Variants in ALX4 observed in about 807,000 individuals in gnomAD.
The protein encoded by ALX4 is ALX homeobox 4.
A neutral mutation model predicts 40.6 loss-of-function variants in ALX4; 22 were observed. That is an observed-to-expected ratio of 0.54 (90% CI 0.39 to 0.77). The LOEUF (loss-of-function observed/expected upper bound fraction) is 0.77. Ranked by LOEUF, ALX4 falls within the 30% of genes least tolerant of loss-of-function variation. The pLI is 0.00. For synonymous variants in ALX4, 266 were observed against 240.5 expected (o/e 1.11, Z -0.98); for missense variants, 556 against 564.8 (o/e 0.98, Z 0.16).
rs369302027 is a variant in ALX4 at position 44,264,834 on chromosome 11, G to C, written c.*20C>G. 1.6e-4 allele frequency: 255 copies of C among 1,611,252 alleles called. 1 individual carries two copies. The highest frequency in any genetic ancestry group is 2.1e-4 in the Non-Finnish European group (245 of 1,179,328). ...GTGGCCCATGGTGTCCCGAGGTGGG[G>C]ACGGGGCAGGGGTGCCCTGTCATGT... On this transcript the variant is annotated 3_prime_UTR_variant, in exon 4 of 4. Transcript: ENST00000652299.
At chr11:44,283,903 G>T (rs1420438259) in intron 1 of ALX4, among the ~76,000 whole-genome samples, 2 of 151,626 alleles carry the variant, frequency 1.3e-5, no homozygotes, top group Admixed American at 6.6e-5. Context: ...CTTGTTTATT[G>T]TCTCTCTCTC....
intron 1 of ALX4, among the ~76,000 whole-genome samples, chr11:44,280,086 G>A (rs1053428559): frequency 3.9e-5 from 6 of 152,154 alleles, no homozygotes; most frequent in Non-Finnish European, 8.8e-5. Flanking sequence ...GGAGAAAGTC[G>A]GGTGGGATAC....
In ALX4 at chr11:44,276,409, G is replaced by A. The variant is rs914672210; in HGVS notation, c.467-751C>T. Among the ~76,000 whole-genome samples the A allele has an allele frequency of 1.2e-4, 18 of 152,334 alleles. No homozygotes were observed. In the East Asian group the frequency reaches 3.5e-3, roughly 29 times the overall value. On this transcript the variant is annotated intron_variant, in intron 1 of 3. Transcript: ENST00000652299. ...CCTTCATCCCCAGCACGCTGACCCC[G>A]GGCCTGGGTGGGTGTACATGAGCAC...
chr11:44,264,919 A>C lies in ALX4; in HGVS notation c.1171T>G (p.Ser391Ala). ...ELNGEPDRKTSSIAALRMKAK... is the reference protein window; with the variant it reads ...ELNGEPDRKTASIAALRMKAK... ...TTCATGCGGAGGGCCGCGATGCTCGAGGTCTTGCGGTCCGGCTCGCCGTTG... is the reference window on the plus strand; with the variant it reads ...TTCATGCGGAGGGCCGCGATGCTCGCGGTCTTGCGGTCCGGCTCGCCGTTG... The change falls in exon 4 of 4, where the codon TCG becomes GCG. Residue 391 changes from serine (S) to alanine (A), a missense_variant. Transcript: ENST00000652299. The C allele has an allele frequency of 6.2e-7, 1 of 1,613,090 alleles. No homozygotes were observed. Among genetic ancestry groups the C allele is most frequent in the East Asian group, 2.2e-5 (1 of 44,862 alleles).
intron 2 of ALX4, among the ~76,000 whole-genome samples, chr11:44,273,774 G>T (rs1239988333): frequency 6.6e-6 from 1 of 152,004 alleles, no homozygotes; most frequent in East Asian, 1.9e-4. Flanking sequence ...AACAAAGCAA[G>T]ACCCCATCTC....
In ALX4 at chr11:44,275,443, C is replaced by A; in HGVS notation, c.682G>T (p.Glu228Ter). 1 of 1,614,178 alleles carries A rather than the reference C, an allele frequency of 6.2e-7. No individual in the cohort carries two copies. ...RTTFTSYQLE[E>*]LEKVFQKTHY... ...GTCTTCTGGAAGACCTTCTCCAGCT[C>A]CTCCAGCTGGTAGCTGGTGAAGGTG... The change falls in exon 2 of 4, where the codon GAG (glutamate) becomes TAG (stop). Residue 228 changes from glutamate (E) to a stop codon, truncating the protein, a stop_gained. Coordinates refer to ENST00000652299, the MANE Select transcript of ALX4 (RefSeq NM_021926.4). LOFTEE classifies it high-confidence loss of function.
intron 1 of ALX4, among the ~76,000 whole-genome samples, chr11:44,276,478 G>A (rs905776265): frequency 6.6e-5 from 10 of 152,166 alleles, no homozygotes; most frequent in Non-Finnish European, 1.2e-4. Context: ...CCCACCCACC[G>A]GCACATTCCT....
chr11:44,307,430 C>T (rs1437722294), intron 1 of ALX4, among the ~76,000 whole-genome samples: 1 of 152,176 alleles, frequency 6.6e-6, no homozygotes, highest in African/African-American at 2.4e-5. Flanking sequence ...CCCAGCAGGA[C>T]ACAGAGAGAG....
intron 1 of ALX4, among the ~76,000 whole-genome samples, chr11:44,307,366 C>T (rs959969290): frequency 5.3e-5 from 8 of 152,298 alleles, no homozygotes; most frequent in Non-Finnish European, 1.0e-4. Flanking sequence ...TGGCCCTTTC[C>T]GTCAGCTCCA....
chr11:44,271,921 C>A (rs986376473), intron 2 of ALX4, among the ~76,000 whole-genome samples: 2 of 152,198 alleles, frequency 1.3e-5, no homozygotes, highest in Non-Finnish European at 2.9e-5. Context: ...ACACATACTG[C>A]ACAGAAAAGG....
At chr11:44,293,445 T>C (rs1448381065) in intron 1 of ALX4, among the ~76,000 whole-genome samples, 1 of 151,994 alleles carries the variant, frequency 6.6e-6, no homozygotes, top group African/African-American at 2.4e-5. Flanking sequence ...ATATAATGCA[T>C]GGTGTGTCCC....
intron 1 of ALX4, among the ~76,000 whole-genome samples, chr11:44,287,293 A>G (rs1490677393): frequency 6.6e-6 from 1 of 152,140 alleles, no homozygotes; most frequent in Non-Finnish European, 1.5e-5. Flanking sequence ...TCGCAAAAAC[A>G]AAAAACAAAC....
At position 44,267,818 on chromosome 11, in the gene ALX4, G is replaced by A. The variant is rs117639716; in HGVS notation, c.778-196C>T. Among the ~76,000 whole-genome samples the A allele has an allele frequency of 8.3e-4, 127 of 152,282 alleles. 1 individual carries two copies. In the East Asian group the frequency reaches 0.022, roughly 26 times the overall value. ...ATCTAGAATCATCCACTCTGAGCTG[G>A]GAAGGTATCTTACCCCCACTAGCCA... On this transcript the variant is annotated intron_variant, in intron 2 of 3. Transcript: ENST00000652299.
chr11:44,309,793 G>A lies in ALX4; in HGVS notation c.270C>T (p.Phe90=). The change falls in exon 1 of 4, where the codon TTC becomes TTT. Residue 90 remains phenylalanine, a synonymous_variant. Transcript: ENST00000652299. ...GCTGCGGGGTCGACGGCTGGGGCTG[G>A]AACTTGTTAAAGGAGCCCCGCGCCC... ...GAGARGSFNK[F]QPQPSTPQPQ... is the part of the protein sequence containing the mutation. The A allele has an allele frequency of 6.4e-7, 1 of 1,550,662 alleles. No individual in the cohort carries two copies.
chr11:44,294,530 CTGGGTGGCCTTTGT>C lies in ALX4; in HGVS notation c.466+15053_466+15066del, dbSNP rs1956391869. Among the ~76,000 whole-genome samples, 4 of 152,336 alleles carry C rather than the reference CTGGGTGGCCTTTGT, an allele frequency of 2.6e-5. No homozygotes were observed. In the South Asian group the frequency reaches 8.3e-4, roughly 32 times the overall value. ...TATGGGGAGGAGGGGCCTGAGGGGC[CTGGGTGGCCTTTGT>C]CCCTCCTTGAAGCCTGCCCCCGCTG... On this transcript the variant is annotated intron_variant, in intron 1 of 3. Transcript: ENST00000652299.
intron 1 of ALX4, among the ~76,000 whole-genome samples, chr11:44,304,895 C>A (rs1163470851): frequency 6.6e-6 from 1 of 152,200 alleles, no homozygotes; most frequent in Non-Finnish European, 1.5e-5. Flanking sequence ...TTGGTGACTC[C>A]GGCTTAGCCC....
At chr11:44,268,200 T>G (rs1388551715) in intron 2 of ALX4, among the ~76,000 whole-genome samples, 1 of 152,090 alleles carries the variant, frequency 6.6e-6, no homozygotes, top group East Asian at 1.9e-4. Flanking sequence ...ACAGAGGCAG[T>G]CAGGGAAGAC....
rs566743690 is a variant in ALX4, at chr11:44,261,667, G to T, written c.*3187C>A. 6.6e-6 allele frequency: 1 copy of T among 152,344 alleles called. No homozygotes were observed. Among genetic ancestry groups the T allele is most frequent in the South Asian group, 2.1e-4 (1 of 4,824 alleles). 9.4% of individuals were successfully genotyped at this position (152,344 alleles called of 1,614,324 possible). A position where few individuals can be genotyped will look rare whatever the true frequency, so the allele number is the denominator to read the frequency against. On this transcript the variant is annotated 3_prime_UTR_variant, in exon 4 of 4. Transcript: ENST00000652299. ...GCACCTTAGTGTCAAGCCTTGCCAT[G>T]CTGAGACCTGTGCCCAGCAGGGACT... is the stretch of plus-strand genomic sequence containing the variant.
rs980763289 is a variant in ALX4 at position 44,261,535 on chromosome 11, G to A, written c.*3319C>T. ...TTCAAGGAAAGTTCTAAAAGCCCAT[G>A]TCCTCCAAGTGCTATTTCAGCCTTG... On this transcript the variant is annotated 3_prime_UTR_variant, in exon 4 of 4. Transcript: ENST00000652299. 1 of 152,202 alleles carries A rather than the reference G, an allele frequency of 6.6e-6. No individual in the cohort carries two copies. Among genetic ancestry groups the A allele is most frequent in the Non-Finnish European group, 1.5e-5 (1 of 68,042 alleles). 9.4% of individuals were successfully genotyped at this position (152,202 alleles called of 1,614,324 possible). A position where few individuals can be genotyped will look rare whatever the true frequency, so the allele number is the denominator to read the frequency against.
Sources: gnomAD v4.1 joint callset for allele counts (sites outside exome capture counted in the v4.1 genomes callset) on GRCh38, gnomAD v4.1.1 for gene constraint, MANE v1.5 for transcripts, NCBI Gene and HGNC (gene_info 2026-07-23, HGNC 2026-07-21) for gene names.